Variants in NMNAT2 observed in about 807,000 individuals in gnomAD.
The protein encoded by NMNAT2 is nicotinamide nucleotide adenylyltransferase 2.
In NMNAT2, 11 loss-of-function variants were observed where a neutral mutation model predicts 41.6. The ratio of observed to expected loss-of-function variants is 0.26; its 90% CI spans 0.17 to 0.44. The LOEUF (loss-of-function observed/expected upper bound fraction) is 0.44, where lower values mean the gene tolerates loss of function less well. NMNAT2 is among the 20% of genes least tolerant of loss of function. NMNAT2 has a pLI of 1.00. For synonymous variants in NMNAT2, 148 were observed against 151.2 expected (o/e 0.98, Z 0.16); for missense variants, 288 against 407.7 (o/e 0.71, Z 2.53).
rs113324295 is a variant in NMNAT2, at chr1:183,294,624, T to A, written c.86-831A>T. On this transcript the variant is annotated intron_variant, in intron 1 of 10. Transcript: ENST00000287713. ...TGGCCAACATGGTGAAACCCTTTTC[T>A]ACTAAAAATACAAAACTTAGCCAGA... 7.0e-3 allele frequency among the ~76,000 whole-genome samples: 1,064 copies of A among 152,278 alleles called. 7 individuals are homozygous for A. Among genetic ancestry groups the A allele is most frequent in the Middle Eastern group, 0.017 (5 of 294 alleles).
intron 10 of NMNAT2, among the ~76,000 whole-genome samples, chr1:183,256,710 T>C (rs1660523686): frequency 1.3e-5 from 2 of 152,238 alleles, no homozygotes; most frequent in African/African-American, 4.8e-5. Context: ...TAATGTTTTA[T>C]TGAGGACTTT....
intron 1 of NMNAT2, among the ~76,000 whole-genome samples, chr1:183,296,759 C>G (rs1350025768): frequency 1.3e-5 from 2 of 152,078 alleles, no homozygotes; most frequent in Non-Finnish European, 2.9e-5. Context: ...GGTGATCTGA[C>G]CACCTCAGCC....
chr1:183,255,386 G>T (rs1660489609), intron 10 of NMNAT2, among the ~76,000 whole-genome samples: 1 of 151,924 alleles, frequency 6.6e-6, no homozygotes, highest in African/African-American at 2.4e-5. Context: ...AATTGCTTTG[G>T]CTATTCAGGG....
intron 1 of NMNAT2, among the ~76,000 whole-genome samples, chr1:183,385,186 A>G (rs1648181083): frequency 6.6e-6 from 1 of 152,116 alleles, no homozygotes; most frequent in Non-Finnish European, 1.5e-5. Context: ...TGGGTAACAG[A>G]GTGAGACTCT....
intron 1 of NMNAT2, among the ~76,000 whole-genome samples, chr1:183,318,431 TGCTCGGA>T (rs1662297124): frequency 6.6e-6 from 1 of 152,228 alleles, no homozygotes; most frequent in Non-Finnish European, 1.5e-5. Context: ...TTGAGTTCTG[TGCTCGGA>T]AGTCAGGGCA....
rs540429750 is a variant in NMNAT2 at position 183,328,377 on chromosome 1, G to C, written c.86-34584C>G. On this transcript the variant is annotated intron_variant, in intron 1 of 10. Coordinates refer to ENST00000287713, the MANE Select transcript of NMNAT2 (RefSeq NM_015039.4). ...GAGCATTTTGAAAAGAGCCTCTCTGGTGCTACATGTTAATAAGCCCTTCTA... is the reference window on the plus strand; with the variant it reads ...GAGCATTTTGAAAAGAGCCTCTCTGCTGCTACATGTTAATAAGCCCTTCTA... 5.3e-5 allele frequency among the ~76,000 whole-genome samples: 8 copies of C among 152,306 alleles called. No individual in the cohort carries two copies. The East Asian group carries it at 1.5e-3, about 29-fold the overall frequency.
chr1:183,314,969 G>A (rs1662210789), intron 1 of NMNAT2, among the ~76,000 whole-genome samples: 1 of 152,176 alleles, frequency 6.6e-6, no homozygotes, highest in Non-Finnish European at 1.5e-5. Context: ...TCTCATACAA[G>A]TGTAGTAACT....
intron 4 of NMNAT2, 56 bp downstream of exon 4, chr1:183,290,072 C>A: frequency 3.5e-6 from 5 of 1,415,826 alleles, no homozygotes; most frequent in Non-Finnish European, 4.9e-6. Context: ...TGGGTCCAGC[C>A]CCTTCCGCCC....
At chr1:183,283,639 G>A (rs535272685) in intron 7 of NMNAT2, 17 of 346,728 alleles carry the variant, frequency 4.9e-5, no homozygotes, top group East Asian at 3.1e-4. Context: ...GAGGAAGGCC[G>A]GGGTGCTCTT....
chr1:183,353,252 C>T (rs1168193859), intron 1 of NMNAT2, among the ~76,000 whole-genome samples: 6 of 152,072 alleles, frequency 3.9e-5, no homozygotes, highest in Non-Finnish European at 7.4e-5. Context: ...AAGATCCACC[C>T]GCCTCGGCCT....
chr1:183,320,003 T>C (rs917676951), intron 1 of NMNAT2, among the ~76,000 whole-genome samples: 13 of 152,354 alleles, frequency 8.5e-5, no homozygotes, highest in African/African-American at 2.9e-4. Flanking sequence ...GCTGTCTCTC[T>C]GGCTGAACTA....
At chr1:183,372,981 A>G (rs1663582193) in intron 1 of NMNAT2, among the ~76,000 whole-genome samples, 1 of 152,200 alleles carries the variant, frequency 6.6e-6, no homozygotes, top group Non-Finnish European at 1.5e-5. Flanking sequence ...GGCTCCACAT[A>G]GGAGGGGCCA....
chr1:183,312,522 AT>A (rs1193649410), intron 1 of NMNAT2, among the ~76,000 whole-genome samples: 1 of 151,624 alleles, frequency 6.6e-6, no homozygotes, highest in Non-Finnish European at 1.5e-5. Context: ...CTGTATATTT[AT>A]TTTATTACTT....
At chr1:183,294,061 A>G (rs1162230403) in intron 1 of NMNAT2, among the ~76,000 whole-genome samples, 1 of 152,234 alleles carries the variant, frequency 6.6e-6, no homozygotes, top group Non-Finnish European at 1.5e-5. Context: ...AGTGTAGCTC[A>G]GAAGGATTTA....
chr1:183,341,725 CAAAA>C (rs762935303), intron 1 of NMNAT2, among the ~76,000 whole-genome samples: 1 of 22,210 alleles, frequency 4.5e-5, no homozygotes, highest in African/African-American at 1.6e-4. Context: ...AAACAAACAC[CAAAA>C]AAAAAAAAAA....
chr1:183,393,961 T>C (rs1557898900), intron 1 of NMNAT2, among the ~76,000 whole-genome samples: 1 of 152,216 alleles, frequency 6.6e-6, no homozygotes, highest in Non-Finnish European at 1.5e-5. Flanking sequence ...GGACAGCTTA[T>C]GCTCTCATGG....
At chr1:183,382,184 G>A (rs895235272) in intron 1 of NMNAT2, among the ~76,000 whole-genome samples, 1 of 152,216 alleles carries the variant, frequency 6.6e-6, no homozygotes, top group African/African-American at 2.4e-5. Context: ...GGCTGGAGCA[G>A]GAGAAGGAGA....
intron 1 of NMNAT2, among the ~76,000 whole-genome samples, chr1:183,389,782 A>AGGGAGGGAGGG (rs1648392467): frequency 1.5e-5 from 1 of 66,788 alleles, no homozygotes; most frequent in Admixed American, 1.6e-4. Flanking sequence ...GAAAGAAAGA[A>AGGGAGGGAGGG]AGAAAGAAAG....
chr1:183,409,638 T>C (rs1190888907), intron 1 of NMNAT2, among the ~76,000 whole-genome samples: 2 of 152,062 alleles, frequency 1.3e-5, no homozygotes, highest in African/African-American at 2.4e-5. Context: ...TTTATAAGAA[T>C]AGAAATAGGT....
Sources: gnomAD v4.1 joint callset for allele counts (sites outside exome capture counted in the v4.1 genomes callset) on GRCh38, gnomAD v4.1.1 for gene constraint, MANE v1.5 for transcripts, NCBI Gene and HGNC (gene_info 2026-07-23, HGNC 2026-07-21) for gene names.